Variants in CRYL1 observed in about 807,000 individuals in gnomAD.
CRYL1 encodes the protein crystallin lambda 1.
Under a neutral mutation model 36.6 loss-of-function variants are expected in CRYL1, and 29 were observed. That is an observed-to-expected ratio of 0.79 (90% CI 0.59 to 1.08). The LOEUF is 1.08. Among genes scored for constraint, CRYL1 ranks in the 50% least tolerant of loss-of-function variants. The pLI, the probability that CRYL1 is intolerant of heterozygous loss-of-function variation, is 0.00. For synonymous variants in CRYL1, 152 were observed against 151.5 expected (o/e 1.00, Z -0.02); for missense variants, 411 against 407.9 (o/e 1.01, Z -0.06).
chr13:20,430,170 C>A, intron 5 of CRYL1: 1 of 983,960 alleles, frequency 1.0e-6, no homozygotes, highest in Non-Finnish European at 1.2e-6. Flanking sequence ...GCCCCACTAC[C>A]TGTAGATAAT....
chr13:20,404,403 A>G (rs919487493), intron 7 of CRYL1, among the ~76,000 whole-genome samples, 161 bp from the exon 8 acceptor site: 1 of 152,254 alleles, frequency 6.6e-6, no homozygotes, highest in Non-Finnish European at 1.5e-5. Flanking sequence ...GAAAGACCTC[A>G]GTCCCTCAGA....
intron 3 of CRYL1, among the ~76,000 whole-genome samples, chr13:20,460,547 A>G (rs1243770521): frequency 1.0e-5 from 1 of 95,796 alleles, no homozygotes; most frequent in Non-Finnish European, 1.9e-5. Flanking sequence ...TTTTTTTGAG[A>G]CGGAGTCTCG....
chr13:20,427,090 A>T (rs1234159562), intron 5 of CRYL1: 1 of 985,378 alleles, frequency 1.0e-6, no homozygotes, highest in Non-Finnish European at 1.2e-6. Flanking sequence ...AAACTTAGCT[A>T]CTGTCCAGCC....
chr13:20,428,841 C>T (rs749292628), intron 5 of CRYL1, among the ~76,000 whole-genome samples: 6 of 152,212 alleles, frequency 3.9e-5, no homozygotes, highest in Non-Finnish European at 8.8e-5. Context: ...CACAGGCACA[C>T]AGCTCATTTC....
intron 6 of CRYL1, among the ~76,000 whole-genome samples, chr13:20,409,256 TC>T (rs1404472814): frequency 6.8e-6 from 1 of 147,104 alleles, no homozygotes; most frequent in Non-Finnish European, 1.5e-5. Flanking sequence ...GGGAACGGAT[TC>T]CCTATTTAAT....
At chr13:20,472,621 T>G (rs923338222) in intron 3 of CRYL1, among the ~76,000 whole-genome samples, 98 of 152,316 alleles carry the variant, frequency 6.4e-4, no homozygotes, top group African/African-American at 2.2e-3. Flanking sequence ...CAAAGGTTCC[T>G]CCCAACCACT....
chr13:20,509,787 G>C (rs1017909501), intron 2 of CRYL1, among the ~76,000 whole-genome samples: 2 of 152,130 alleles, frequency 1.3e-5, no homozygotes, highest in Admixed American at 1.3e-4. Flanking sequence ...AAAATTAGCT[G>C]GGCGTAGTGG....
intron 5 of CRYL1, among the ~76,000 whole-genome samples, chr13:20,424,083 A>C (rs2031880344): frequency 6.6e-6 from 1 of 151,992 alleles, no homozygotes; most frequent in South Asian, 2.1e-4. Context: ...ATGGGCTCTG[A>C]TATAGTTCTA....
chr13:20,411,652 T>C (rs1475568104), intron 6 of CRYL1, among the ~76,000 whole-genome samples: 1 of 152,246 alleles, frequency 6.6e-6, no homozygotes, highest in Non-Finnish European at 1.5e-5. Flanking sequence ...GAAAACACCA[T>C]TTGAAATGAT....
At chr13:20,500,629 G>T (rs2033684982) in intron 2 of CRYL1, among the ~76,000 whole-genome samples, 2 of 152,290 alleles carry the variant, frequency 1.3e-5, no homozygotes, top group South Asian at 4.1e-4. Flanking sequence ...TGGAGAAAAA[G>T]ATTGTGTTTC....
chr13:20,500,634 T>TG (rs2033685151), intron 2 of CRYL1, among the ~76,000 whole-genome samples: 1 of 152,218 alleles, frequency 6.6e-6, no homozygotes, highest in African/African-American at 2.4e-5. Context: ...AAAAAGATTG[T>TG]GTTTCAGAAG....
chr13:20,406,744 G>C (rs576808223), intron 6 of CRYL1, among the ~76,000 whole-genome samples: 13 of 152,004 alleles, frequency 8.6e-5, no homozygotes, highest in Non-Finnish European at 1.8e-4. Context: ...GGAGGGCAGA[G>C]ACACAAGAAT....
At chr13:20,508,868 AAAAAAAAC>A (rs1285072036) in intron 2 of CRYL1, among the ~76,000 whole-genome samples, 1,572 of 17,042 alleles carry the variant, frequency 0.092, 382 homozygotes, top group Non-Finnish European at 0.26. Flanking sequence ...AAAAAAAAAA[AAAAAAAAC>A]AAAAAAAAAA....
intron 3 of CRYL1, among the ~76,000 whole-genome samples, chr13:20,446,962 G>A (rs1487295686): frequency 2.0e-5 from 3 of 152,146 alleles, no homozygotes; most frequent in African/African-American, 7.2e-5. Context: ...GGAATTTTTT[G>A]TTAGCAATTA....
chr13:20,441,203 T>C (rs771095422), intron 3 of CRYL1, among the ~76,000 whole-genome samples: 8 of 152,196 alleles, frequency 5.3e-5, no homozygotes, highest in Non-Finnish European at 1.0e-4. Flanking sequence ...ACTCTCAGTG[T>C]GGTGCAATAA....
At position 20,495,900 on chromosome 13, in the gene CRYL1, C is replaced by A. The variant is rs560050469; in HGVS notation, c.150-6404G>T. Among the ~76,000 whole-genome samples the A allele has an allele frequency of 3.6e-3, 541 of 152,252 alleles. 2 individuals carry two copies. Among genetic ancestry groups the A allele is most frequent in the Middle Eastern group, 0.024 (7 of 294 alleles). ...ACAACCTCCCCCTCCCGGCTTCAGGCGATTCTCCTGCCTCAGCTTCCCAAA... is the reference window on the plus strand; with the variant it reads ...ACAACCTCCCCCTCCCGGCTTCAGGAGATTCTCCTGCCTCAGCTTCCCAAA... On this transcript the variant is annotated intron_variant, in intron 2 of 7. Coordinates refer to ENST00000298248, the MANE Select transcript of CRYL1 (RefSeq NM_015974.3).
intron 3 of CRYL1, among the ~76,000 whole-genome samples, chr13:20,466,702 G>GTA: frequency 6.9e-6 from 1 of 145,144 alleles, no homozygotes; most frequent in Non-Finnish European, 1.5e-5. Flanking sequence ...GTGTGTGTGT[G>GTA]TGTGTGTGTA....
intron 2 of CRYL1, among the ~76,000 whole-genome samples, chr13:20,500,267 TGAGTA>T (rs1280982761): frequency 3.3e-5 from 5 of 152,250 alleles, no homozygotes; most frequent in Non-Finnish European, 5.9e-5. Context: ...TTAAGTATAG[TGAGTA>T]GAGTATACTT....
intron 2 of CRYL1, among the ~76,000 whole-genome samples, chr13:20,494,294 T>C (rs1257336691): frequency 6.6e-6 from 1 of 152,250 alleles, no homozygotes; most frequent in East Asian, 1.9e-4. Context: ...ACTGCGCCCA[T>C]TGCTTTTCTA....
Sources: gnomAD v4.1 joint callset for allele counts (sites outside exome capture counted in the v4.1 genomes callset) on GRCh38, gnomAD v4.1.1 for gene constraint, MANE v1.5 for transcripts, NCBI Gene and HGNC (gene_info 2026-07-23, HGNC 2026-07-21) for gene names.